Variants in GLP2R observed in about 807,000 individuals in gnomAD.
GLP2R encodes glucagon like peptide 2 receptor.
Under a neutral mutation model 68.2 loss-of-function variants are expected in GLP2R, and 59 were observed. That is an observed-to-expected ratio of 0.87 (90% CI 0.70 to 1.07). The LOEUF is 1.07. Ranked by LOEUF, GLP2R falls within the 50% of genes least tolerant of loss-of-function variation. GLP2R has a pLI of 0.00. For synonymous variants in GLP2R, 270 were observed against 265.4 expected, an observed-to-expected ratio of 1.02 and a Z score of -0.17; for missense variants, 548 against 677.4, an observed-to-expected ratio of 0.81 and a Z score of 2.12.
At chr17:9,829,097 T>C (rs2066657866) in intron 1 of GLP2R, among the ~76,000 whole-genome samples, 1 of 152,194 alleles carries the variant, frequency 6.6e-6, no homozygotes, top group Admixed American at 6.5e-5. Context: ...GCAGGAAGTC[T>C]TCAAAAATTT....
chr17:9,890,418 C>CCT lies in GLP2R; in HGVS notation c.*724_*725dup, dbSNP rs202065120. ...GCTCTTCCTCTCCTATCAAGTCTTG[C>CCT]CTCTCTCTCTCTTTGCCTCAGTTCT... On this transcript the variant is annotated 3_prime_UTR_variant, in exon 13 of 13. Coordinates refer to ENST00000262441, the MANE Select transcript of GLP2R (RefSeq NM_004246.3). 7.0e-5 allele frequency: 14 copies of CCT among 200,564 alleles called. No individual in the cohort carries two copies. The highest frequency in any genetic ancestry group is 3.0e-4 in the East Asian group (2 of 6,646). 12.4% of individuals were successfully genotyped at this position (200,564 alleles called of 1,614,324 possible). A position where few individuals can be genotyped will look rare whatever the true frequency, so the allele number is the denominator to read the frequency against.
intron 1 of GLP2R, among the ~76,000 whole-genome samples, chr17:9,829,324 ATT>A (rs11379790): frequency 2.1e-4 from 30 of 143,552 alleles, no homozygotes; most frequent in Non-Finnish European, 2.0e-4. Context: ...AAAATTTTTA[ATT>A]TTTTTTTTTT....
chr17:9,886,050 G>A (rs746753389), intron 11 of GLP2R, among the ~76,000 whole-genome samples: 2 of 152,202 alleles, frequency 1.3e-5, no homozygotes, highest in African/African-American at 4.8e-5. Context: ...TACTCCTGCC[G>A]TGTTTCTCTG....
At chr17:9,843,166 T>C (rs1181225165) in intron 4 of GLP2R, among the ~76,000 whole-genome samples, 1 of 152,184 alleles carries the variant, frequency 6.6e-6, no homozygotes, top group Non-Finnish European at 1.5e-5. Context: ...GGGAGTGGCA[T>C]AGCACAGGGT....
At chr17:9,842,699 G>C in intron 4 of GLP2R, 83 bp downstream of exon 4, 8 of 1,465,986 alleles carry the variant, frequency 5.5e-6, no homozygotes, top group Non-Finnish European at 5.6e-6. Flanking sequence ...GCTGGCTCCA[G>C]GGGCCACACA....
At chr17:9,842,765 G>T (rs1023664022) in intron 4 of GLP2R, 149 bp downstream of exon 4, 2 of 790,220 alleles carry the variant, frequency 2.5e-6, no homozygotes, top group Non-Finnish European at 4.0e-6. Context: ...CCGCAAAGCA[G>T]CAACCCTTGT....
In GLP2R at chr17:9,890,816, T is replaced by C. The variant is rs1334620966; in HGVS notation, c.*1111T>C. ...TGGATCTGGACATGCCCAGGGTGGC[T>C]CTGAGAGATCCAAGACTTTGCATCC... On this transcript the variant is annotated 3_prime_UTR_variant, in exon 13 of 13. Transcript: ENST00000262441. The C allele has an allele frequency of 6.6e-6, 1 of 152,180 alleles. No individual in the cohort carries two copies. The allele number at this position is 152,180 out of a possible 1,614,324, so 9.4% of individuals were successfully genotyped here.
At chr17:9,871,721 CTTT>C (rs372099240) in intron 10 of GLP2R, among the ~76,000 whole-genome samples, 22,025 of 102,068 alleles carry the variant, frequency 0.22, 2,278 homozygotes, top group African/African-American at 0.44. Context: ...TACTTTCTTT[CTTT>C]TTTTTTTTTT....
At chr17:9,835,619 T>C (rs1231531552) in intron 2 of GLP2R, among the ~76,000 whole-genome samples, 1 of 152,166 alleles carries the variant, frequency 6.6e-6, no homozygotes, top group African/African-American at 2.4e-5. Context: ...GTTTTGTACA[T>C]TCACAGAGTA....
In GLP2R at chr17:9,854,362, G is replaced by A. The variant is rs527856440; in HGVS notation, c.505-133G>A. Reference sequence around the variant, plus strand: ...ACTACCCTATTTGGGTGTCAACAAGGATGGGGAAGGAAACATTTAAAAAAA... The same window carrying A: ...ACTACCCTATTTGGGTGTCAACAAGAATGGGGAAGGAAACATTTAAAAAAA... On this transcript the variant is annotated intron_variant, in intron 4 of 12. Coordinates refer to ENST00000262441, the MANE Select transcript of GLP2R (RefSeq NM_004246.3). The A allele has an allele frequency of 1.6e-4, 111 of 686,018 alleles. 1 individual carries two copies. The highest frequency in any genetic ancestry group is 1.4e-3 in the South Asian group (84 of 59,230). 42.5% of individuals were successfully genotyped at this position (686,018 alleles called of 1,614,324 possible). A position where few individuals can be genotyped will look rare whatever the true frequency, so the allele number is the denominator to read the frequency against.
At chr17:9,872,844 A>G (rs2067107588) in intron 10 of GLP2R, among the ~76,000 whole-genome samples, 1 of 152,216 alleles carries the variant, frequency 6.6e-6, no homozygotes, top group Admixed American at 6.5e-5. Flanking sequence ...ATGGTTATAA[A>G]TATGGGTGGC....
intron 4 of GLP2R, among the ~76,000 whole-genome samples, chr17:9,848,448 C>G (rs1014249401): frequency 3.3e-5 from 5 of 152,242 alleles, no homozygotes; most frequent in African/African-American, 1.2e-4. Flanking sequence ...GCCATCAATA[C>G]TAGTTCCAAA....
intron 10 of GLP2R, among the ~76,000 whole-genome samples, chr17:9,878,579 A>G (rs2067161787): frequency 6.6e-6 from 1 of 152,232 alleles, no homozygotes; most frequent in African/African-American, 2.4e-5. Flanking sequence ...GCCAAGGCCC[A>G]TGATTCCATC....
chr17:9,833,761 C>T (rs951039671), intron 1 of GLP2R, 46 bp from the exon 2 acceptor site: 5 of 1,184,184 alleles, frequency 4.2e-6, no homozygotes, highest in Admixed American at 3.7e-5. Flanking sequence ...AACAAGGCCA[C>T]ATCTGTGCTT....
chr17:9,846,303 C>T (rs573908183), intron 4 of GLP2R, among the ~76,000 whole-genome samples: 6 of 152,194 alleles, frequency 3.9e-5, no homozygotes, highest in African/African-American at 7.2e-5. Flanking sequence ...AGATATGGGG[C>T]GATACCACAT....
chr17:9,870,743 C>T lies in GLP2R; in HGVS notation c.1057-4C>T, dbSNP rs1305247352. 8 of 1,440,744 alleles carry T rather than the reference C, an allele frequency of 5.6e-6. No individual in the cohort carries two copies. Among genetic ancestry groups the T allele is most frequent in the Non-Finnish European group, 6.8e-6 (7 of 1,022,152 alleles). 89.2% of individuals were successfully genotyped at this position (1,440,744 alleles called of 1,614,324 possible). The stretch of plus-strand genomic sequence containing the variant: ...ACTTACCCAATTCTGCTCTTTTTTT[C>T]AAGGTCAATTTCTTCATCTTCCTGA... On this transcript the variant is annotated splice_region_variant and splice_polypyrimidine_tract_variant and intron_variant, in intron 9 of 12. Coordinates refer to ENST00000262441, the MANE Select transcript of GLP2R (RefSeq NM_004246.3).
chr17:9,879,967 T>C (rs2067180682), intron 10 of GLP2R, among the ~76,000 whole-genome samples: 1 of 152,168 alleles, frequency 6.6e-6, no homozygotes, highest in Admixed American at 6.5e-5. Flanking sequence ...ATACTGATGT[T>C]GAAAGTCCGG....
At chr17:9,867,340 G>A (rs1423027720) in intron 9 of GLP2R, among the ~76,000 whole-genome samples, 2 of 152,232 alleles carry the variant, frequency 1.3e-5, no homozygotes, top group Non-Finnish European at 2.9e-5. Context: ...GTTGATGCGA[G>A]TGTACAACAT....
intron 4 of GLP2R, among the ~76,000 whole-genome samples, chr17:9,847,052 C>T (rs1251090369): frequency 6.6e-6 from 1 of 152,150 alleles, no homozygotes; most frequent in Non-Finnish European, 1.5e-5. Flanking sequence ...GCATTAATGC[C>T]CCCCATGGCC....
Sources: allele counts gnomAD v4.1 joint callset (sites outside exome capture counted in the v4.1 genomes callset), GRCh38; gene constraint gnomAD v4.1.1; transcripts MANE v1.5; gene names NCBI Gene and HGNC (gene_info 2026-07-23, HGNC 2026-07-21).